BAZ1B: variants seen among roughly 807,000 people sequenced by gnomAD.
BAZ1B encodes the protein bromodomain adjacent to zinc finger domain 1B, also known as tyrosine-protein kinase BAZ1B.
BAZ1B carries 22 observed loss-of-function variants against 153.8 expected under a neutral mutation model. The observed-to-expected ratio is 0.14, with a 90% CI of 0.10 to 0.20. The LOEUF is 0.20. BAZ1B is among the 10% of genes least tolerant of loss of function. The probability of loss-of-function intolerance (pLI) is 1.00; values close to 1 mark genes in which losing one functional copy is unlikely to be tolerated. For synonymous variants in BAZ1B, 676 were observed against 633.4 expected, an observed-to-expected ratio of 1.07 and a Z score of -1.01; for missense variants, 1,325 against 1,799.3, an observed-to-expected ratio of 0.74 and a Z score of 4.77.
Position 73,459,725 on chromosome 7 carries a change from G to A in BAZ1B, c.3250-7C>T. 1.3e-6 allele frequency: 2 copies of A among 1,574,818 alleles called. No individual in the cohort carries two copies. The highest frequency in any genetic ancestry group is 1.7e-6 in the Non-Finnish European group (2 of 1,163,570). ...ATTTCTCTAATGAAATGACCTATAG[G>A]AAAGGATTTTAAAACCAGACTGAGA... On this transcript the variant is annotated splice_polypyrimidine_tract_variant and splice_region_variant and intron_variant, in intron 12 of 19. Coordinates refer to ENST00000339594, the MANE Select transcript of BAZ1B (RefSeq NM_032408.4).
chr7:73,474,071 T>C (rs556129284), intron 7 of BAZ1B, among the ~76,000 whole-genome samples: 45 of 152,348 alleles, frequency 3.0e-4, no homozygotes, highest in African/African-American at 7.9e-4. Context: ...GTGTGGCTTT[T>C]ACATAAAGAC....
At chr7:73,469,975 A>G (rs1788735817) in intron 8 of BAZ1B, among the ~76,000 whole-genome samples, 1 of 152,134 alleles carries the variant, frequency 6.6e-6, no homozygotes, top group African/African-American at 2.4e-5. Flanking sequence ...CCCAAAGTGT[A>G]GGATTACAGG....
intron 3 of BAZ1B, among the ~76,000 whole-genome samples, chr7:73,499,897 CT>C (rs1303347056): frequency 6.6e-5 from 10 of 152,126 alleles, no homozygotes; most frequent in South Asian, 4.1e-4. Flanking sequence ...CATTCTTTCA[CT>C]TTTATTCTAT....
rs782785207 is a variant in BAZ1B at position 73,478,300 on chromosome 7, T to A, written c.1161A>T (p.Lys387Asn). The change falls in exon 7 of 20, where the codon AAA (lysine) becomes AAT (asparagine). Residue 387 changes from lysine (K) to asparagine (N), a missense_variant. By Grantham distance (94) the Lys-to-Asn change is moderately conservative. This residue lies in a region of BAZ1B where 219 missense variants were observed against 248.2 expected (regional missense o/e 0.88). Coordinates refer to ENST00000339594, the MANE Select transcript of BAZ1B (RefSeq NM_032408.4). ...TCCCTGGTTTCTTGGCAGGTGGGCC[T>A]TTTTTAGGAATGTGAAAGTTAGTGT... is the stretch of plus-strand genomic sequence containing the variant. Reference protein sequence around the residue: ...KLHTNFHIPKKGPPAKKPGKH... With the variant: ...KLHTNFHIPKNGPPAKKPGKH... 2.5e-6 allele frequency: 4 copies of A among 1,614,076 alleles called. No individual in the cohort carries two copies. Among genetic ancestry groups the A allele is most frequent in the Non-Finnish European group, 2.5e-6 (3 of 1,179,994 alleles).
chr7:73,512,028 C>CAAAAAAAAAAAAAAAAA (rs1168749967), intron 1 of BAZ1B, among the ~76,000 whole-genome samples: 1 of 34,750 alleles, frequency 2.9e-5, no homozygotes, highest in African/African-American at 1.2e-4. Flanking sequence ...AACTCCACCT[C>CAAAAAAAAAAAAAAAAA]AAAAAAAAAA....
intron 10 of BAZ1B, among the ~76,000 whole-genome samples, chr7:73,465,959 A>G (rs1344871804): frequency 6.6e-6 from 1 of 152,212 alleles, no homozygotes; most frequent in East Asian, 1.9e-4. Flanking sequence ...CTATGCATAC[A>G]ATTTGTTAAT....
At chr7:73,464,098 G>A (rs1407068112) in intron 11 of BAZ1B, 14 of 958,898 alleles carry the variant, frequency 1.5e-5, no homozygotes, top group African/African-American at 1.8e-5. Context: ...TTAAGCAGTG[G>A]GCTAACATCA....
chr7:73,470,504 C>A, intron 7 of BAZ1B, 21 bp from the exon 8 acceptor site: 1 of 1,608,902 alleles, frequency 6.2e-7, no homozygotes, highest in South Asian at 1.1e-5. Context: ...TAAAAAGACT[C>A]AAATCAGATA....
intron 1 of BAZ1B, among the ~76,000 whole-genome samples, chr7:73,521,567 G>C (rs1227079619): frequency 2.6e-5 from 4 of 152,040 alleles, no homozygotes; most frequent in African/African-American, 9.7e-5. Context: ...TCGCCGGCGA[G>C]GCCCCGGGAC....
Position 73,450,699 on chromosome 7 carries a change from TG to T in BAZ1B, c.3580+147del. Reference sequence around the variant, plus strand: ...TTCCCTGGCACGACATTTCAAAGACTGGCATGTTACAGACCTGCAGGAGAGT... The same window carrying T: ...TTCCCTGGCACGACATTTCAAAGACTGCATGTTACAGACCTGCAGGAGAGT... On this transcript the variant is annotated intron_variant, in intron 14 of 19. Transcript: ENST00000339594. This position sits in a 1 kb window ranked among gnomAD's most constrained non-coding sequence, Gnocchi z 4.1. 1 of 863,726 alleles carries T rather than the reference TG, an allele frequency of 1.2e-6. No individual in the cohort carries two copies. Among genetic ancestry groups the T allele is most frequent in the South Asian group, 1.8e-5 (1 of 54,200 alleles). The allele number at this position is 863,726 out of a possible 1,614,324, so 53.5% of individuals were successfully genotyped here. A position where few individuals can be genotyped will look rare whatever the true frequency, so the allele number is the denominator to read the frequency against.
chr7:73,492,324 G>A (rs896535225), intron 5 of BAZ1B, among the ~76,000 whole-genome samples: 2 of 152,098 alleles, frequency 1.3e-5, no homozygotes, highest in South Asian at 2.1e-4. Flanking sequence ...CACCACGCCC[G>A]GCTAATTTTT....
chr7:73,497,698 ATAAAAAAAAGAAAAAG>A (rs1789970232), intron 4 of BAZ1B, among the ~76,000 whole-genome samples: 1 of 148,774 alleles, frequency 6.7e-6, no homozygotes, highest in African/African-American at 2.5e-5. Flanking sequence ...GTTAAGTGCC[ATAAAAAAAAGAAAAAG>A]AAAAATTCCA....
chr7:73,474,845 G>T (rs556623520), intron 7 of BAZ1B, among the ~76,000 whole-genome samples: 2 of 152,270 alleles, frequency 1.3e-5, no homozygotes, highest in Non-Finnish European at 2.9e-5. Flanking sequence ...ATCAGACAGA[G>T]AATTGTATCT....
intron 4 of BAZ1B, among the ~76,000 whole-genome samples, chr7:73,497,101 G>A (rs1789940836): frequency 7.7e-6 from 1 of 130,210 alleles, no homozygotes; most frequent in Non-Finnish European, 1.6e-5. Context: ...AAATTAGCTG[G>A]GTGTGGTGGT....
intron 5 of BAZ1B, among the ~76,000 whole-genome samples, chr7:73,491,496 G>A (rs782424308): frequency 8.5e-5 from 13 of 152,132 alleles, no homozygotes; most frequent in Non-Finnish European, 1.8e-4. Flanking sequence ...CTACTTGGGA[G>A]GCTGAGGCTG....
intron 2 of BAZ1B, among the ~76,000 whole-genome samples, chr7:73,510,477 A>G (rs1790536671): frequency 6.6e-6 from 1 of 152,224 alleles, no homozygotes; most frequent in African/African-American, 2.4e-5. Flanking sequence ...AGTACTTACA[A>G]GGTCAAAGTA....
intron 13 of BAZ1B, among the ~76,000 whole-genome samples, chr7:73,452,187 C>A (rs917953913): frequency 6.6e-6 from 1 of 152,118 alleles, no homozygotes; most frequent in Admixed American, 6.5e-5. Context: ...TAGTATCATA[C>A]AATAATAGGT....
chr7:73,489,063 T>C (rs1369734623), intron 6 of BAZ1B, 131 bp downstream of exon 6: 9 of 893,146 alleles, frequency 1.0e-5, no homozygotes, highest in Admixed American at 2.7e-5. Context: ...ATGTAACAGA[T>C]ATACCTGAAA....
At chr7:73,443,042 G>C (rs1188063176) in intron 17 of BAZ1B, among the ~76,000 whole-genome samples, 1 of 152,164 alleles carries the variant, frequency 6.6e-6, no homozygotes, top group African/African-American at 2.4e-5. Context: ...CCTCCCCCGG[G>C]GCCACGGCAA....
Sources: gnomAD v4.1 joint callset for allele counts (sites outside exome capture counted in the v4.1 genomes callset) on GRCh38, gnomAD v4.1.1 for gene constraint, gnomAD v4.1.1 regional missense constraint, Gnocchi (gnomAD v3.1) non-coding constraint, MANE v1.5 for transcripts, NCBI Gene and HGNC (gene_info 2026-07-23, HGNC 2026-07-21) for gene names.